CAMKMT: variants seen among roughly 807,000 people sequenced by gnomAD.
CAMKMT encodes the protein calmodulin-lysine N-methyltransferase, also known as CaM KMT.
Under a neutral mutation model 48.0 loss-of-function variants are expected in CAMKMT, and 53 were observed. The observed-to-expected ratio is 1.10, with a 90% CI of 0.89 to 1.39. The LOEUF (loss-of-function observed/expected upper bound fraction) is 1.39. CAMKMT is among the 40% of genes most tolerant of loss of function. The pLI, the probability that CAMKMT is intolerant of heterozygous loss-of-function variation, is 0.00. For missense variants in CAMKMT, 428 were observed against 402.7 expected, an observed-to-expected ratio of 1.06 and a Z score of -0.54; for synonymous variants, 165 against 152.3, an observed-to-expected ratio of 1.08 and a Z score of -0.61.
chr2:44,458,835 T>C lies in CAMKMT; in HGVS notation c.376+68530T>C, dbSNP rs879569234. ...AAAGTGTTTTTTTTCTTCTTCCTCTTCTAGTTGCAGTAATACGAGGTTTCT... is the reference window on the plus strand; with the variant it reads ...AAAGTGTTTTTTTTCTTCTTCCTCTCCTAGTTGCAGTAATACGAGGTTTCT... On this transcript the variant is annotated intron_variant, in intron 3 of 10. Transcript: ENST00000378494. Among the ~76,000 whole-genome samples, 37 of 152,298 alleles carry C rather than the reference T, an allele frequency of 2.4e-4. No individual in the cohort carries two copies. In the Middle Eastern group the frequency reaches 0.01, roughly 42 times the overall value.
intron 3 of CAMKMT, among the ~76,000 whole-genome samples, chr2:44,600,456 A>T (rs941403986): frequency 2.0e-5 from 3 of 151,798 alleles, no homozygotes; most frequent in Non-Finnish European, 4.4e-5. Context: ...TGGTAGAGAG[A>T]CAGGGTTTTG....
chr2:44,535,039 A>C (rs756716343), intron 3 of CAMKMT, among the ~76,000 whole-genome samples: 1 of 151,942 alleles, frequency 6.6e-6, no homozygotes, highest in East Asian at 1.9e-4. Flanking sequence ...GAGAGACCCA[A>C]ATAAAATCAG....
At chr2:44,415,075 C>T (rs971093634) in intron 3 of CAMKMT, among the ~76,000 whole-genome samples, 10 of 152,072 alleles carry the variant, frequency 6.6e-5, no homozygotes, top group African/African-American at 2.4e-4. Context: ...CACTTGAACC[C>T]GGGAGGCAGA....
rs144595551 is a variant in CAMKMT at position 44,445,831 on chromosome 2, T to G, written c.376+55526T>G. 6.7e-3 allele frequency among the ~76,000 whole-genome samples: 1,014 copies of G among 152,090 alleles called. 10 individuals are homozygous for G. Among genetic ancestry groups the G allele is most frequent in the Middle Eastern group, 0.02 (6 of 294 alleles). On this transcript the variant is annotated intron_variant, in intron 3 of 10. Transcript: ENST00000378494. ...TAACCCAGTTTGTCTCTTCTTACTT[T>G]CAGACCATCAAACTCCAAATGGTCA...
At chr2:44,569,338 C>A (rs765696266) in intron 3 of CAMKMT, among the ~76,000 whole-genome samples, 1 of 152,092 alleles carries the variant, frequency 6.6e-6, no homozygotes, top group Non-Finnish European at 1.5e-5. Context: ...GGGTATTATA[C>A]GAATGGCGAT....
chr2:44,600,111 T>G (rs1044803230), intron 3 of CAMKMT, among the ~76,000 whole-genome samples: 1 of 152,118 alleles, frequency 6.6e-6, no homozygotes, highest in African/African-American at 2.4e-5. Context: ...ATTCTGAAAT[T>G]TACATTTATC....
chr2:44,732,079 G>A (rs565484589), intron 7 of CAMKMT, among the ~76,000 whole-genome samples: 3 of 152,284 alleles, frequency 2.0e-5, no homozygotes, highest in Admixed American at 2.0e-4. Flanking sequence ...AGACTCCTGA[G>A]TAGCTAGGAC....
chr2:44,560,644 C>G (rs1668275067), intron 3 of CAMKMT, among the ~76,000 whole-genome samples: 1 of 152,158 alleles, frequency 6.6e-6, no homozygotes, highest in African/African-American at 2.4e-5. Context: ...TTATTAATAT[C>G]TAATATTATA....
chr2:44,566,528 G>A (rs1668625113), intron 3 of CAMKMT, among the ~76,000 whole-genome samples: 1 of 152,050 alleles, frequency 6.6e-6, no homozygotes, highest in African/African-American at 2.4e-5. Context: ...CTCACACAGG[G>A]GCTGTCCTAA....
rs1020884778 is a variant in CAMKMT at position 44,528,349 on chromosome 2, A to G, written c.376+138044A>G. On this transcript the variant is annotated intron_variant, in intron 3 of 10. Coordinates refer to ENST00000378494, the MANE Select transcript of CAMKMT (RefSeq NM_024766.5). ...TATTAGAAAAATTTAAAAATATACA[A>G]ATAGTAGAGAGCACAAAAATAGTTA... Among the ~76,000 whole-genome samples, 15 of 152,154 alleles carry G rather than the reference A, an allele frequency of 9.9e-5. 1 individual carries two copies. Among genetic ancestry groups the G allele is most frequent in the African/African-American group, 3.4e-4 (14 of 41,428 alleles).
intron 3 of CAMKMT, among the ~76,000 whole-genome samples, chr2:44,566,513 T>A (rs2103717372): frequency 6.6e-6 from 1 of 152,314 alleles, no homozygotes; most frequent in South Asian, 2.1e-4. Flanking sequence ...TGAACTATTG[T>A]TTGACTCACA....
chr2:44,722,212 C>T (rs1244160397), intron 7 of CAMKMT, among the ~76,000 whole-genome samples: 23 of 126,272 alleles, frequency 1.8e-4, no homozygotes, highest in African/African-American at 6.6e-4. Context: ...GATAATGCTG[C>T]TATGAACATT....
chr2:44,745,952 GGGCA>G (rs1358171437), intron 8 of CAMKMT, among the ~76,000 whole-genome samples: 1 of 152,092 alleles, frequency 6.6e-6, no homozygotes, highest in Non-Finnish European at 1.5e-5. Context: ...CTGCTTCTAG[GGGCA>G]GGCAGGCAGG....
At chr2:44,625,336 T>A (rs958557712) in intron 3 of CAMKMT, among the ~76,000 whole-genome samples, 1 of 152,160 alleles carries the variant, frequency 6.6e-6, no homozygotes, top group Admixed American at 6.5e-5. Flanking sequence ...TTTAGTTGAA[T>A]TGGATACCTT....
At chr2:44,722,265 A>C (rs1678511507) in intron 7 of CAMKMT, among the ~76,000 whole-genome samples, 1 of 133,734 alleles carries the variant, frequency 7.5e-6, no homozygotes, top group South Asian at 2.3e-4. Context: ...TCTTGGGTTT[A>C]TATGGTCACA....
rs547126128 is a variant in CAMKMT, at chr2:44,714,421, T to C, written c.557-866T>C. 1.1e-3 allele frequency among the ~76,000 whole-genome samples: 169 copies of C among 152,310 alleles called. 2 individuals carry two copies. In the South Asian group the frequency reaches 0.018, roughly 16 times the overall value. On this transcript the variant is annotated intron_variant, in intron 6 of 10. Coordinates refer to ENST00000378494, the MANE Select transcript of CAMKMT (RefSeq NM_024766.5). Reference sequence around the variant, plus strand: ...CATAAATGTGGCTCTTTTGTACAAGTCCTTCCATGCCAAAGGCCATAGCGT... The same window carrying C: ...CATAAATGTGGCTCTTTTGTACAAGCCCTTCCATGCCAAAGGCCATAGCGT...
intron 3 of CAMKMT, among the ~76,000 whole-genome samples, chr2:44,559,343 G>A (rs1297640582): frequency 6.6e-6 from 1 of 152,010 alleles, no homozygotes; most frequent in African/African-American, 2.4e-5. Context: ...CTTTTGAGGT[G>A]GTACACAGTT....
chr2:44,419,857 G>A (rs910042064), intron 3 of CAMKMT, among the ~76,000 whole-genome samples: 7 of 152,240 alleles, frequency 4.6e-5, no homozygotes, highest in South Asian at 2.1e-4. Flanking sequence ...AATATGGTGA[G>A]ACCTCCCCTC....
At chr2:44,666,211 C>T (rs368970372) in intron 3 of CAMKMT, among the ~76,000 whole-genome samples, 3 of 152,090 alleles carry the variant, frequency 2.0e-5, no homozygotes, top group Middle Eastern at 3.2e-3. Context: ...ATTGTTCGAC[C>T]TGAATAGGCA....
Sources: allele counts gnomAD v4.1 joint callset (sites outside exome capture counted in the v4.1 genomes callset), GRCh38; gene constraint gnomAD v4.1.1; transcripts MANE v1.5; gene names NCBI Gene and HGNC (gene_info 2026-07-23, HGNC 2026-07-21).